QSER1: variants seen among roughly 807,000 people sequenced by gnomAD.
The protein encoded by QSER1 is glutamine and serine rich 1.
QSER1 carries 49 observed loss-of-function variants against 158.5 expected under a neutral mutation model. The ratio of observed to expected loss-of-function variants is 0.31; its 90% CI spans 0.25 to 0.39. The LOEUF (loss-of-function observed/expected upper bound fraction) is 0.39. QSER1 is among the 10% of genes least tolerant of loss of function. The pLI is 1.00. For missense variants in QSER1, 1,754 were observed against 2,010.3 expected (o/e 0.87, Z 2.44); for synonymous variants, 650 against 715.5 (o/e 0.91, Z 1.46).
chr11:32,925,849 A>T (rs1406259242), intron 1 of QSER1: 1 of 152,120 alleles, frequency 6.6e-6, no homozygotes, highest in Non-Finnish European at 1.5e-5. Context: ...ATTAATAAGG[A>T]TACATTACCT....
At chr11:32,927,922 T>TC (rs1168798369) in intron 2 of QSER1, 40 bp from the exon 3 acceptor site, 8 of 534,372 alleles carry the variant, frequency 1.5e-5, no homozygotes, top group Non-Finnish European at 2.2e-5. Flanking sequence ...AGTAAATTTT[T>TC]TTTTTTTTAC....
intron 4 of QSER1, among the ~76,000 whole-genome samples, chr11:32,940,518 A>G (rs1852214004): frequency 6.6e-6 from 1 of 152,186 alleles, no homozygotes; most frequent in Non-Finnish European, 1.5e-5. Context: ...GGTCATACAA[A>G]TTAAACTGGG....
At chr11:32,947,326 A>C (rs557853355) in intron 4 of QSER1, among the ~76,000 whole-genome samples, 34 of 152,324 alleles carry the variant, frequency 2.2e-4, no homozygotes, top group Admixed American at 3.3e-4. Flanking sequence ...AAATTTATGG[A>C]AATTTTGTTA....
intron 8 of QSER1, among the ~76,000 whole-genome samples, chr11:32,961,684 C>G (rs1305783532): frequency 6.6e-6 from 1 of 152,122 alleles, no homozygotes; most frequent in African/African-American, 2.4e-5. Context: ...TACTGGTAAC[C>G]TCTAACCTAT....
At chr11:32,965,141 T>C (rs1175707591) in intron 8 of QSER1, among the ~76,000 whole-genome samples, 1 of 152,180 alleles carries the variant, frequency 6.6e-6, no homozygotes, top group Non-Finnish European at 1.5e-5. Flanking sequence ...GACAGGGTCT[T>C]TACTCTGTTT....
At chr11:32,913,172 C>T (rs569879487) in intron 1 of QSER1, among the ~76,000 whole-genome samples, 2 of 143,494 alleles carry the variant, frequency 1.4e-5, no homozygotes, top group Admixed American at 1.4e-4. Flanking sequence ...GATAATTTCT[C>T]CTCTTCCTTT....
At chr11:32,911,620 T>C (rs1297173832) in intron 1 of QSER1, among the ~76,000 whole-genome samples, 2 of 152,092 alleles carry the variant, frequency 1.3e-5, no homozygotes. Context: ...CTCACGATAG[T>C]AAAGGAGTTC....
rs932221227 is a variant in QSER1, at chr11:32,957,715, C to T, written c.4752-154C>T. The T allele has an allele frequency of 3.7e-5, 23 of 625,106 alleles. No individual in the cohort carries two copies. In the East Asian group the frequency reaches 6.5e-4, roughly 18 times the overall value. The allele number at this position is 625,106 out of a possible 1,614,324, so 38.7% of individuals were successfully genotyped here. On this transcript the variant is annotated intron_variant, in intron 7 of 12. Transcript: ENST00000650167. Reference sequence around the variant, plus strand: ...TTTAAGAAAATTTTATGGGAATCACCATTGAGATGTATATAGGACTTGGAC... The same window carrying T: ...TTTAAGAAAATTTTATGGGAATCACTATTGAGATGTATATAGGACTTGGAC...
chr11:32,925,073 G>A (rs747291029), intron 1 of QSER1, among the ~76,000 whole-genome samples: 68 of 152,158 alleles, frequency 4.5e-4, no homozygotes, highest in Non-Finnish European at 7.8e-4. Flanking sequence ...TCTTTTTAAT[G>A]GTTGTGTGGT....
At chr11:32,965,109 C>A (rs35283331) in intron 8 of QSER1, among the ~76,000 whole-genome samples, 7,661 of 151,856 alleles carry the variant, frequency 0.05, 261 homozygotes, top group Non-Finnish European at 0.078. Context: ...TGATTTTTTT[C>A]TTTTTTTCTT....
chr11:32,923,641 A>ATTATTGCCATCTTTATTT (rs1851927238), intron 1 of QSER1, among the ~76,000 whole-genome samples: 2 of 139,500 alleles, frequency 1.4e-5, no homozygotes, highest in Non-Finnish European at 3.0e-5. Flanking sequence ...TCACACCACT[A>ATTATTGCCATCTTTATTT]CACTCCAGCC....
chr11:32,907,380 G>A lies in QSER1; in HGVS notation c.209+14046G>A, dbSNP rs538709248. 1.2e-4 allele frequency among the ~76,000 whole-genome samples: 18 copies of A among 152,276 alleles called. No individual in the cohort carries two copies. The East Asian group carries it at 1.3e-3, about 11-fold the overall frequency. ...TATTCAGATGTGAATTGTGATAAAT[G>A]TATTTTTGGACAGATTTCCTTTATC... is the stretch of plus-strand genomic sequence containing the variant. On this transcript the variant is annotated intron_variant, in intron 1 of 12. Coordinates refer to ENST00000650167, the MANE Select transcript of QSER1 (RefSeq NM_001076786.3).
chr11:32,970,946 C>CTTTTTTTTTTTTTTT (rs776051259), intron 10 of QSER1, among the ~76,000 whole-genome samples: 2 of 76,868 alleles, frequency 2.6e-5, no homozygotes, highest in Non-Finnish European at 4.4e-5. Context: ...AAGCAATTTG[C>CTTTTTTTTTTTTTTT]TTTTTTTTTT....
At chr11:32,909,314 A>G (rs1391800900) in intron 1 of QSER1, among the ~76,000 whole-genome samples, 2 of 152,188 alleles carry the variant, frequency 1.3e-5, no homozygotes. Flanking sequence ...AATTGGGTTC[A>G]AGGAAGGGAA....
Position 32,933,275 on chromosome 11 carries a change from T to C in QSER1, c.2017T>C (p.Ser673Pro), listed in dbSNP as rs1274398257. The C allele has an allele frequency of 1.1e-5, 17 of 1,611,268 alleles. No homozygotes were observed. Among genetic ancestry groups the C allele is most frequent in the Non-Finnish European group, 1.4e-5 (16 of 1,179,306 alleles). ...TAACATAACTTCCCCTGACCCAAAG[T>C]CTTATGCTGAAAGAAAGCTTGACTC... Reference protein sequence around the residue: ...QNNITSPDPKSYAERKLDSDV... With the variant: ...QNNITSPDPKPYAERKLDSDV... The change falls in exon 4 of 13, where the codon TCT becomes CCT. Residue 673 changes from serine to proline, a missense_variant. Coordinates refer to ENST00000650167, the MANE Select transcript of QSER1 (RefSeq NM_001076786.3).
At chr11:32,924,182 G>A (rs1466733933) in intron 1 of QSER1, among the ~76,000 whole-genome samples, 1 of 152,128 alleles carries the variant, frequency 6.6e-6, no homozygotes, top group Non-Finnish European at 1.5e-5. Flanking sequence ...TTGGGTTGGT[G>A]AAGATTTCTT....
At chr11:32,975,538 G>A in intron 12 of QSER1, 195 bp downstream of exon 12, 1 of 1,439,242 alleles carries the variant, frequency 6.9e-7, no homozygotes, top group Non-Finnish European at 9.2e-7. Flanking sequence ...ATTTACCCGA[G>A]CCTCACCACC....
rs145603848 is a variant in QSER1 at position 32,905,366 on chromosome 11, T to C, written c.209+12032T>C. On this transcript the variant is annotated intron_variant, in intron 1 of 12. Coordinates refer to ENST00000650167, the MANE Select transcript of QSER1 (RefSeq NM_001076786.3). Reference sequence around the variant, plus strand: ...AAACATTTCTCAGGTTGAGCAAAACTGCAAGATGAACATTACTCTGGTAAA... The same window carrying C: ...AAACATTTCTCAGGTTGAGCAAAACCGCAAGATGAACATTACTCTGGTAAA... Among the ~76,000 whole-genome samples, 10 of 152,370 alleles carry C rather than the reference T, an allele frequency of 6.6e-5. No individual in the cohort carries two copies. In the East Asian group the frequency reaches 1.9e-3, roughly 29 times the overall value.
At chr11:32,959,075 T>A (rs1292004861) in intron 8 of QSER1, among the ~76,000 whole-genome samples, 1 of 152,230 alleles carries the variant, frequency 6.6e-6, no homozygotes, top group Non-Finnish European at 1.5e-5. Flanking sequence ...AAGCATGGTG[T>A]ACAATATATG....
Sources: gnomAD v4.1 joint callset for allele counts (sites outside exome capture counted in the v4.1 genomes callset) on GRCh38, gnomAD v4.1.1 for gene constraint, MANE v1.5 for transcripts, NCBI Gene and HGNC (gene_info 2026-07-23, HGNC 2026-07-21) for gene names.